PLAC8: variants seen among roughly 807,000 people sequenced by gnomAD.
The protein encoded by PLAC8 is placenta-specific gene 8 protein.
PLAC8 carries 6 observed loss-of-function variants against 12.6 expected under a neutral mutation model. The ratio of observed to expected loss-of-function variants is 0.48; its 90% confidence interval spans 0.26 to 0.94. PLAC8 has a LOEUF of 0.94. Ranked by LOEUF, PLAC8 falls within the 40% of genes least tolerant of loss-of-function variation. PLAC8 has a pLI of 0.14. For missense variants in PLAC8, 122 were observed against 152.7 expected, an observed-to-expected ratio of 0.80 and a Z score of 1.06; for synonymous variants, 54 against 52.6, an observed-to-expected ratio of 1.03 and a Z score of -0.11.
chr4:83,091,979 G>A (rs1731817407), intron 4 of PLAC8, among the ~76,000 whole-genome samples: 3 of 152,102 alleles, frequency 2.0e-5, no homozygotes, highest in African/African-American at 7.2e-5. Flanking sequence ...TTTTCCAGTG[G>A]ATTCCTATGT....
chr4:83,107,088 T>C (rs1732259810), intron 2 of PLAC8, among the ~76,000 whole-genome samples: 1 of 151,912 alleles, frequency 6.6e-6, no homozygotes, highest in Non-Finnish European at 1.5e-5. Context: ...TAATCCCAGC[T>C]ACTCAGGAGG....
At chr4:83,103,968 C>T (rs1732176049) in intron 3 of PLAC8, among the ~76,000 whole-genome samples, 1 of 152,080 alleles carries the variant, frequency 6.6e-6, no homozygotes, top group Non-Finnish European at 1.5e-5. Flanking sequence ...ACGCCCAGAC[C>T]ATTGTTGCCT....
At chr4:83,109,902 C>T (rs1185248839) in intron 1 of PLAC8, 2 of 152,274 alleles carry the variant, frequency 1.3e-5, no homozygotes, top group Non-Finnish European at 2.9e-5. Context: ...GAGCAGCCCG[C>T]GCAGAATCTA....
At chr4:83,104,216 C>G (rs1471479485) in intron 3 of PLAC8, among the ~76,000 whole-genome samples, 1 of 152,140 alleles carries the variant, frequency 6.6e-6, no homozygotes, top group Non-Finnish European at 1.5e-5. Context: ...GTAGTATAAG[C>G]ATACCTTTTA....
At chr4:83,100,224 T>G (rs1260052018) in intron 3 of PLAC8, among the ~76,000 whole-genome samples, 4 of 143,810 alleles carry the variant, frequency 2.8e-5, no homozygotes, top group Non-Finnish European at 6.0e-5. Context: ...GAGCTTGCAG[T>G]GAGCCAAGAT....
intron 2 of PLAC8, 102 bp from the exon 3 acceptor site, chr4:83,105,122 T>A: frequency 1.5e-6 from 2 of 1,352,740 alleles, no homozygotes; most frequent in Non-Finnish European, 2.1e-6. Flanking sequence ...CATGGGGCCT[T>A]GGCCGCAAAG....
intron 3 of PLAC8, among the ~76,000 whole-genome samples, chr4:83,099,719 T>C (rs1392141669): frequency 6.6e-6 from 1 of 151,702 alleles, no homozygotes; most frequent in Non-Finnish European, 1.5e-5. Flanking sequence ...TAGCAGAGGC[T>C]GGGCATGGTG....
At chr4:83,091,482 T>C (rs917597401) in intron 4 of PLAC8, among the ~76,000 whole-genome samples, 5 of 152,324 alleles carry the variant, frequency 3.3e-5, no homozygotes, top group African/African-American at 1.2e-4. Context: ...AAAGTGCCAT[T>C]CTCATCACAT....
chr4:83,110,258 C>T (rs1732396400), intron 1 of PLAC8, among the ~76,000 whole-genome samples: 1 of 150,782 alleles, frequency 6.6e-6, no homozygotes, highest in African/African-American at 2.4e-5. Context: ...CCTCCCCCGC[C>T]CGCTGATTTG....
chr4:83,108,422 G>A (rs1483403027), intron 1 of PLAC8, among the ~76,000 whole-genome samples: 5 of 152,098 alleles, frequency 3.3e-5, no homozygotes, highest in African/African-American at 4.8e-5. Flanking sequence ...GCGAAACCCC[G>A]CCTCTACTAA....
chr4:83,094,258 C>T, intron 4 of PLAC8: 1 of 154,638 alleles, frequency 6.5e-6, no homozygotes. Context: ...ATGCTTTATG[C>T]CACAATCAAT....
At chr4:83,111,953 G>A (rs558101449) in intron 1 of PLAC8, among the ~76,000 whole-genome samples, 36 of 152,180 alleles carry the variant, frequency 2.4e-4, no homozygotes, top group African/African-American at 8.2e-4. Context: ...AGCACTTTGG[G>A]AGGCTGAGGT....
chr4:83,106,098 C>A (rs985207917), intron 2 of PLAC8, among the ~76,000 whole-genome samples: 1 of 152,002 alleles, frequency 6.6e-6, no homozygotes, highest in African/African-American at 2.4e-5. Flanking sequence ...CTCTCAGGTT[C>A]AAGCAATTCT....
intron 3 of PLAC8, among the ~76,000 whole-genome samples, chr4:83,104,106 G>A (rs1051298283): frequency 6.6e-6 from 1 of 152,188 alleles, no homozygotes; most frequent in Non-Finnish European, 1.5e-5. Context: ...GATTCAGATA[G>A]ATTATTATTA....
intron 3 of PLAC8, among the ~76,000 whole-genome samples, chr4:83,100,280 C>CA (rs35928607): frequency 0.35 from 42,406 of 121,112 alleles, 7,671 homozygotes; most frequent in East Asian, 0.58. Flanking sequence ...GACTCCATCT[C>CA]AAAAAAAAAA....
rs936766414 is a variant in PLAC8 at position 83,107,206 on chromosome 4, C to T, written c.118+598G>A. ...CAAGAGTGAGACTTCGTCTCAAAAA[C>T]AAACAAAAAAAAAAAACAAAAAAAA... On this transcript the variant is annotated intron_variant, in intron 2 of 4. Coordinates refer to ENST00000311507, the MANE Select transcript of PLAC8 (RefSeq NM_016619.3). 7.0e-5 allele frequency among the ~76,000 whole-genome samples: 7 copies of T among 100,220 alleles called. No homozygotes were observed. In the East Asian group the frequency reaches 1.8e-3, roughly 26 times the overall value. 65.7% of individuals were successfully genotyped at this position (100,220 alleles called of 152,430 possible).
At chr4:83,102,064 C>A (rs185603895) in intron 3 of PLAC8, among the ~76,000 whole-genome samples, 42 of 152,130 alleles carry the variant, frequency 2.8e-4, no homozygotes, top group Admixed American at 6.5e-4. Context: ...TAAAAGAACA[C>A]CTATTCTGCA....
intron 2 of PLAC8, among the ~76,000 whole-genome samples, chr4:83,105,543 GTGT>G: frequency 6.6e-6 from 1 of 152,364 alleles, no homozygotes; most frequent in East Asian, 1.9e-4. Flanking sequence ...GCAAAGGCTA[GTGT>G]TCATTCAATA....
At chr4:83,094,472 T>G in intron 4 of PLAC8, 2 of 425,804 alleles carry the variant, frequency 4.7e-6, no homozygotes, top group Non-Finnish European at 8.3e-6. Flanking sequence ...CACCATTCCT[T>G]TATTTACTAA....
Sources: gnomAD v4.1 joint callset for allele counts (sites outside exome capture counted in the v4.1 genomes callset) on GRCh38, gnomAD v4.1.1 for gene constraint, MANE v1.5 for transcripts, NCBI Gene and HGNC (gene_info 2026-07-23, HGNC 2026-07-21) for gene names.